Variants in GRIK4 observed in about 807,000 individuals in gnomAD.
The protein encoded by GRIK4 is glutamate receptor ionotropic, kainate 4.
A neutral mutation model predicts 104.9 loss-of-function variants in GRIK4; 40 were observed. That is an observed-to-expected ratio of 0.38 (90% confidence interval 0.30 to 0.50). The LOEUF (loss-of-function observed/expected upper bound fraction) is 0.50. Ranked by LOEUF, GRIK4 falls within the 20% of genes least tolerant of loss-of-function variation. The probability of loss-of-function intolerance (pLI) is 0.93; values close to 1 mark genes in which losing one functional copy is unlikely to be tolerated. For synonymous variants in GRIK4, 485 were observed against 524.9 expected (o/e 0.92, Z 1.04); for missense variants, 1,047 against 1,308.1 (o/e 0.80, Z 3.08).
intron 19 of GRIK4, among the ~76,000 whole-genome samples, chr11:120,979,642 A>AGTAT (rs1944618014): frequency 6.6e-6 from 1 of 152,166 alleles, no homozygotes; most frequent in African/African-American, 2.4e-5. Context: ...GAGAAACATG[A>AGTAT]GTATGTGAAT....
chr11:120,715,093 C>T (rs74657929), intron 3 of GRIK4, among the ~76,000 whole-genome samples: 2 of 152,140 alleles, frequency 1.3e-5, no homozygotes, highest in African/African-American at 2.4e-5. Context: ...GGGACTGGAG[C>T]TCAAAAGACA....
chr11:120,785,071 C>A (rs1952237091), intron 3 of GRIK4, among the ~76,000 whole-genome samples: 1 of 152,316 alleles, frequency 6.6e-6, no homozygotes, highest in African/African-American at 2.4e-5. Context: ...TCACTCCCGT[C>A]CCTTCTGCCT....
At chr11:120,779,337 C>T (rs1952104667) in intron 3 of GRIK4, among the ~76,000 whole-genome samples, 1 of 152,138 alleles carries the variant, frequency 6.6e-6, no homozygotes, top group Non-Finnish European at 1.5e-5. Context: ...GGAGAAAGGG[C>T]AGCTGGTGGG....
intron 1 of GRIK4, among the ~76,000 whole-genome samples, chr11:120,582,211 C>T (rs969976436): frequency 6.6e-6 from 1 of 151,274 alleles, no homozygotes; most frequent in Admixed American, 6.6e-5. Context: ...TTCAGATACC[C>T]AGGCCTGAAA....
chr11:120,632,975 C>T (rs139545968), intron 1 of GRIK4, among the ~76,000 whole-genome samples: 59 of 152,200 alleles, frequency 3.9e-4, no homozygotes, highest in Admixed American at 3.3e-4. Context: ...CTGGTTCTAT[C>T]ATCAGCCATT....
At chr11:120,946,107 T>G (rs1475323239) in intron 14 of GRIK4, among the ~76,000 whole-genome samples, 1 of 152,244 alleles carries the variant, frequency 6.6e-6, no homozygotes, top group Non-Finnish European at 1.5e-5. Flanking sequence ...CAAATATCTG[T>G]GTGAATGGAG....
intron 3 of GRIK4, among the ~76,000 whole-genome samples, chr11:120,753,714 T>G (rs919540391): frequency 6.6e-6 from 1 of 152,178 alleles, no homozygotes; most frequent in African/African-American, 2.4e-5. Context: ...GCCCTTGTCT[T>G]TCAAAATTAG....
At chr11:120,928,974 T>TGTGTGTGTGTGTGTGCGCGCGTGCACGC (rs1943415655) in intron 13 of GRIK4, among the ~76,000 whole-genome samples, 1 of 148,728 alleles carries the variant, frequency 6.7e-6, no homozygotes, top group African/African-American at 2.5e-5. Flanking sequence ...TGTGTGTGTG[T>TGTGTGTGTGTGTGTGCGCGCGTGCACGC]GTGTGTGTGT....
At position 120,524,728 on chromosome 11, in the gene GRIK4, C is replaced by T. The variant is rs1175719506; in HGVS notation, c.-159+12841C>T. Among the ~76,000 whole-genome samples, 1 of 152,172 alleles carries T rather than the reference C, an allele frequency of 6.6e-6. No individual in the cohort carries two copies. The highest frequency in any genetic ancestry group is 1.5e-5 in the Non-Finnish European group (1 of 68,034). The stretch of plus-strand genomic sequence containing the variant: ...GAGGCTCTGGGAACATGGATTGGAC[C>T]TGGGGTGCTCCTTCAGACATACCCA... On this transcript the variant is annotated intron_variant, in intron 1 of 20. Transcript: ENST00000527524. The surrounding 1 kb of genome is among the most constrained non-coding windows in gnomAD (Gnocchi z 4.5).
chr11:120,929,745 C>T (rs539192338), intron 13 of GRIK4, among the ~76,000 whole-genome samples: 2 of 152,120 alleles, frequency 1.3e-5, no homozygotes, highest in Non-Finnish European at 2.9e-5. Context: ...TCTGGTTGGG[C>T]GTCCCACATG....
intron 11 of GRIK4, among the ~76,000 whole-genome samples, chr11:120,876,039 C>CA (rs1412711567): frequency 2.0e-5 from 3 of 151,964 alleles, no homozygotes; most frequent in Non-Finnish European, 4.4e-5. Flanking sequence ...TCCTGACTGT[C>CA]AGAGTGGCTG....
At chr11:120,517,000 A>G (rs1222008957) in intron 1 of GRIK4, among the ~76,000 whole-genome samples, 1 of 129,094 alleles carries the variant, frequency 7.7e-6, no homozygotes, top group African/African-American at 3.3e-5. Flanking sequence ...GGCCAGCTTA[A>G]GGCATCTCGC....
At chr11:120,916,361 G>T (rs1943104738) in intron 13 of GRIK4, among the ~76,000 whole-genome samples, 1 of 152,212 alleles carries the variant, frequency 6.6e-6, no homozygotes, top group Admixed American at 6.5e-5. Context: ...ACATAGCAAA[G>T]TACATCGTAA....
intron 1 of GRIK4, among the ~76,000 whole-genome samples, chr11:120,624,216 C>T (rs1457380088): frequency 2.6e-5 from 4 of 152,174 alleles, no homozygotes; most frequent in Non-Finnish European, 4.4e-5. Context: ...TTTAACCTCT[C>T]ACCAAGGGCT....
chr11:120,704,323 G>A (rs1950596318), intron 3 of GRIK4, among the ~76,000 whole-genome samples: 1 of 152,188 alleles, frequency 6.6e-6, no homozygotes, highest in African/African-American at 2.4e-5. Flanking sequence ...CTCACACAGT[G>A]CCCTGAGCAT....
intron 9 of GRIK4, among the ~76,000 whole-genome samples, chr11:120,864,614 C>G (rs1274570600): frequency 2.0e-5 from 3 of 152,228 alleles, no homozygotes; most frequent in Non-Finnish European, 4.4e-5. Flanking sequence ...CTGTCTCTTT[C>G]CCTTCAACCC....
chr11:120,683,583 G>A (rs1159181935), intron 3 of GRIK4, among the ~76,000 whole-genome samples: 7 of 151,910 alleles, frequency 4.6e-5, no homozygotes, highest in East Asian at 3.9e-4. Context: ...GGACCAGGCC[G>A]TGTCCTAGGG....
chr11:120,971,225 ATT>A (rs1281438527), intron 19 of GRIK4, among the ~76,000 whole-genome samples: 1 of 152,060 alleles, frequency 6.6e-6, no homozygotes, highest in African/African-American at 2.4e-5. Flanking sequence ...TAAGACATAT[ATT>A]TTCTGTCTGT....
intron 1 of GRIK4, among the ~76,000 whole-genome samples, chr11:120,520,610 C>A (rs905777619): frequency 1.3e-5 from 2 of 152,128 alleles, no homozygotes; most frequent in African/African-American, 4.8e-5. Flanking sequence ...CAGTCCTGCC[C>A]CCACTGGACC....
Sources: gnomAD v4.1 joint callset for allele counts (sites outside exome capture counted in the v4.1 genomes callset) on GRCh38, gnomAD v4.1.1 for gene constraint, Gnocchi (gnomAD v3.1) non-coding constraint, MANE v1.5 for transcripts, NCBI Gene and HGNC (gene_info 2026-07-23, HGNC 2026-07-21) for gene names.